Variants in PRH1 observed in about 807,000 individuals in gnomAD.
PRH1 encodes proline rich protein HaeIII subfamily 1.
A neutral mutation model predicts 7.9 loss-of-function variants in PRH1; 7 were observed. The ratio of observed to expected loss-of-function variants is 0.89; its 90% CI spans 0.50 to 1.67. The LOEUF (loss-of-function observed/expected upper bound fraction) is 1.67, where lower values mean the gene tolerates loss of function less well. Among genes scored for constraint, PRH1 ranks in the 40% most tolerant of loss-of-function variants. The pLI is 0.00. For synonymous variants in PRH1, 45 were observed against 80.8 expected, an observed-to-expected ratio of 0.56 and a Z score of 2.38; for missense variants, 109 against 223.6, an observed-to-expected ratio of 0.49 and a Z score of 3.27.
chr12:11,031,409 G>C (rs1291106652), intron 1 of PRH1: 2 of 1,538,380 alleles, frequency 1.3e-6, no homozygotes, highest in Non-Finnish European at 1.8e-6. Context: ...GTGGGTTCGT[G>C]GTCTCCCTGA....
intron 2 of PRH1, chr12:10,930,980 C>A (rs1179430245): frequency 1.9e-6 from 3 of 1,596,988 alleles, no homozygotes; most frequent in South Asian, 2.3e-5. Flanking sequence ...GGTCCTCCCC[C>A]ACCTCCTCCT....
At chr12:10,888,569 T>A (rs1293240440), upstream of PRH1, among the ~76,000 whole-genome samples, 1 of 152,264 alleles carries the variant, frequency 6.6e-6, no homozygotes, top group East Asian at 1.9e-4. Flanking sequence ...TCAATAACCA[T>A]TGACACTTAA....
chr12:10,967,048 G>A (rs181802921), intron 2 of PRH1, among the ~76,000 whole-genome samples: 5 of 151,512 alleles, frequency 3.3e-5, no homozygotes, highest in African/African-American at 1.2e-4. Context: ...CCCGGAGGCG[G>A]AGCTTGCAGT....
At chr12:10,978,134 C>G (rs1477033507) in intron 1 of PRH1, among the ~76,000 whole-genome samples, 2 of 146,868 alleles carry the variant, frequency 1.4e-5, no homozygotes, top group African/African-American at 5.0e-5. Context: ...GGAAAAAGAA[C>G]AAGCTGGAGG....
chr12:11,025,105 G>A (rs1247449547), intron 1 of PRH1, among the ~76,000 whole-genome samples: 4 of 149,554 alleles, frequency 2.7e-5, no homozygotes, highest in Admixed American at 6.7e-5. Context: ...TGAAAGCTCC[G>A]CCTTCCGGGT....
intron 2 of PRH1, among the ~76,000 whole-genome samples, chr12:10,929,851 A>C (rs1950178005): frequency 6.6e-6 from 1 of 152,158 alleles, no homozygotes; most frequent in Non-Finnish European, 1.5e-5. Context: ...GTAGTATTTT[A>C]ATGTGCTGGG....
Position 11,093,543 on chromosome 12 carries a change from T to C in PRH1, n.124-46355A>G, listed in dbSNP as rs1481127306. ...GAATAATATTTATTTATCAAACATA[T>C]CTCTAATTCTTAGGACTTGGTAAAG... On this transcript the variant is annotated intron_variant and non_coding_transcript_variant, in intron 1 of 4. Transcript: ENST00000541977. Among the ~76,000 whole-genome samples, 26 of 115,634 alleles carry C rather than the reference T, an allele frequency of 2.2e-4. 9 individuals carry two copies. Among genetic ancestry groups the C allele is most frequent in the African/African-American group, 7.5e-4 (26 of 34,550 alleles). The allele number at this position is 115,634 out of a possible 152,430, so 75.9% of individuals were successfully genotyped here.
intron 2 of PRH1, among the ~76,000 whole-genome samples, chr12:10,972,932 A>ACC (rs545868427): frequency 8.9e-5 from 7 of 79,024 alleles, no homozygotes; most frequent in South Asian, 5.0e-4. Context: ...ACCACAACCC[A>ACC]CCCCCCCCGC....
At chr12:11,167,932 A>C (rs75550813) in intron 1 of PRH1, among the ~76,000 whole-genome samples, 68,640 of 151,356 alleles carry the variant, frequency 0.45, 16,295 homozygotes, top group Non-Finnish European at 0.52. Flanking sequence ...CATGGTTTAA[A>C]AAATGTCTCA....
intron 1 of PRH1, among the ~76,000 whole-genome samples, chr12:10,976,633 G>GT (rs148183795): frequency 6.9e-4 from 102 of 147,112 alleles, no homozygotes; most frequent in Admixed American, 8.1e-4. Context: ...GGGCTGAGGA[G>GT]TTTTTTTTTT....
intron 2 of PRH1, among the ~76,000 whole-genome samples, chr12:10,953,886 G>A (rs1937815635): frequency 6.6e-6 from 1 of 152,144 alleles, no homozygotes; most frequent in African/African-American, 2.4e-5. Context: ...ACCTACAAAG[G>A]GAACAGCATT....
intron 2 of PRH1, among the ~76,000 whole-genome samples, chr12:10,889,495 C>G (rs1405366404): frequency 6.6e-6 from 1 of 152,068 alleles, no homozygotes. Flanking sequence ...GAATGGATTT[C>G]ATTGGTTGTA....
intron 1 of PRH1, among the ~76,000 whole-genome samples, chr12:11,145,909 TAAC>T (rs937556198): frequency 2.0e-5 from 3 of 152,310 alleles, no homozygotes; most frequent in African/African-American, 7.2e-5. Context: ...ATCTTAATGT[TAAC>T]AAACTATACA....
In PRH1 at chr12:10,890,570, C is replaced by T. The variant is rs146136411; in HGVS notation, c.-58-6295G>A. 2.8e-3 allele frequency among the ~76,000 whole-genome samples: 424 copies of T among 152,044 alleles called. 2 individuals are homozygous for T. Among genetic ancestry groups the T allele is most frequent in the African/African-American group, 9.8e-3 (406 of 41,488 alleles). Reference sequence around the variant, plus strand: ...AGAATGCAGGAAAAAAGAGGGTAAACTATAAAGAACGACTGTAGGCCTCCC... The same window carrying T: ...AGAATGCAGGAAAAAAGAGGGTAAATTATAAAGAACGACTGTAGGCCTCCC... On this transcript the variant is annotated intron_variant, in intron 2 of 3. Transcript: ENST00000539853.
intron 1 of PRH1, among the ~76,000 whole-genome samples, chr12:11,029,316 TACA>T (rs1409125596): frequency 1.3e-5 from 2 of 152,282 alleles, no homozygotes; most frequent in Non-Finnish European, 2.9e-5. Flanking sequence ...ATGACAAAAT[TACA>T]ACGTTAAGGC....
At chr12:11,159,615 A>G (rs1223569419) in intron 1 of PRH1, 1 of 152,286 alleles carries the variant, frequency 6.6e-6, no homozygotes, top group East Asian at 1.9e-4. Flanking sequence ...TACCAGTCCA[A>G]TGAGCCCGTT....
intron 2 of PRH1, chr12:10,965,457 G>GCACATT: frequency 2.3e-6 from 1 of 437,214 alleles, no homozygotes. Context: ...TTCTGAATGT[G>GCACATT]CAGTAACATT....
chr12:10,986,650 A>G, intron 1 of PRH1: 1 of 1,613,082 alleles, frequency 6.2e-7, no homozygotes, highest in Non-Finnish European at 8.5e-7. Flanking sequence ...GCTGGATTCA[A>G]CACAGTTAAA....
At chr12:10,966,873 TG>T (rs1199352366) in intron 2 of PRH1, among the ~76,000 whole-genome samples, 3 of 152,134 alleles carry the variant, frequency 2.0e-5, no homozygotes. Context: ...CCCAGCACTT[TG>T]GGAGGCTGAG....
Sources: gnomAD v4.1 joint callset for allele counts (sites outside exome capture counted in the v4.1 genomes callset) on GRCh38, gnomAD v4.1.1 for gene constraint, MANE v1.5 for transcripts, NCBI Gene and HGNC (gene_info 2026-07-23, HGNC 2026-07-21) for gene names.